Variants in B4GALT1 observed in about 807,000 individuals in gnomAD.
B4GALT1 encodes beta-1,4-galactosyltransferase 1.
A neutral mutation model predicts 34.9 loss-of-function variants in B4GALT1; 16 were observed. The ratio of observed to expected loss-of-function variants is 0.46; its 90% CI spans 0.31 to 0.70. B4GALT1 has a LOEUF of 0.70. B4GALT1 is among the 30% of genes least tolerant of loss of function. The pLI is 0.05. For synonymous variants in B4GALT1, 221 were observed against 218.1 expected, an observed-to-expected ratio of 1.01 and a Z score of -0.12; for missense variants, 445 against 530.5, an observed-to-expected ratio of 0.84 and a Z score of 1.58.
At chr9:33,168,213 G>A (rs111406050), upstream of B4GALT1, among the ~76,000 whole-genome samples, 1,115 of 152,342 alleles carry the variant, frequency 7.3e-3, 15 homozygotes, top group Non-Finnish European at 0.013. Flanking sequence ...GCTGGCAAGA[G>A]GCAGAATTCT....
downstream of B4GALT1, among the ~76,000 whole-genome samples, chr9:33,109,243 G>T (rs1839827990): frequency 6.6e-6 from 1 of 152,218 alleles, no homozygotes; most frequent in South Asian, 2.1e-4. Context: ...GAAGGACAGG[G>T]TCAGATGAGC....
At chr9:33,141,889 C>A (rs1290004790) in intron 1 of B4GALT1, among the ~76,000 whole-genome samples, 1 of 152,196 alleles carries the variant, frequency 6.6e-6, no homozygotes, top group Non-Finnish European at 1.5e-5. Context: ...GGATGGAGAG[C>A]CACCAGAAGG....
chr9:33,148,120 G>A (rs1840455890), intron 1 of B4GALT1, among the ~76,000 whole-genome samples: 1 of 152,016 alleles, frequency 6.6e-6, no homozygotes, highest in Non-Finnish European at 1.5e-5. Context: ...TTAATATCTA[G>A]GATGTATAAG....
intron 1 of B4GALT1, among the ~76,000 whole-genome samples, chr9:33,139,698 G>A (rs1587740056): frequency 6.6e-6 from 1 of 152,238 alleles, no homozygotes; most frequent in South Asian, 2.1e-4. Flanking sequence ...GACTACCTCT[G>A]TTCAGAATCA....
At chr9:33,115,364 C>CT (rs1358725170) in intron 4 of B4GALT1, among the ~76,000 whole-genome samples, 3 of 152,204 alleles carry the variant, frequency 2.0e-5, no homozygotes, top group African/African-American at 7.2e-5. Flanking sequence ...GTTGAAGCCT[C>CT]TACAGCCAGA....
chr9:33,123,044 C>CA (rs796569008), intron 2 of B4GALT1, among the ~76,000 whole-genome samples: 38 of 151,888 alleles, frequency 2.5e-4, no homozygotes, highest in African/African-American at 8.9e-4. Flanking sequence ...TTTGGAAGGC[C>CA]AAGGCGGTGG....
chr9:33,107,918 C>T (rs1454727514), downstream of B4GALT1, among the ~76,000 whole-genome samples: 2 of 152,116 alleles, frequency 1.3e-5, no homozygotes, highest in Non-Finnish European at 2.9e-5. Flanking sequence ...AGCAGTCACT[C>T]GCCCTGAGGT....
chr9:33,166,635 C>A, intron 1 of B4GALT1, 123 bp downstream of exon 1: 2 of 1,185,688 alleles, frequency 1.7e-6, no homozygotes. Context: ...ATTTAAAACT[C>A]TGATCCAGAA....
In B4GALT1 at chr9:33,166,874, T is replaced by G; in HGVS notation, c.296A>C (p.Asp99Ala). ...GASSQPRPGG[D>A]SSPVVDSGPG... is the part of the protein sequence containing the mutation. ...GCCAGAATCCACGACTGGGCTGGAG[T>G]CGCCACCCGGGCGCGGCTGGGAGGA... Residue 99 changes from aspartate to alanine, a missense_variant, in exon 1 of 6, where the codon GAC (aspartate) becomes GCC (alanine). By Grantham distance (126) the Asp-to-Ala change is moderately radical (BLOSUM62 -2). Coordinates refer to ENST00000379731, the MANE Select transcript of B4GALT1 (RefSeq NM_001497.4). 1.3e-6 allele frequency: 2 copies of G among 1,576,790 alleles called. No homozygotes were observed. The highest frequency in any genetic ancestry group is 2.3e-5 in the South Asian group (2 of 87,550).
intron 3 of B4GALT1, among the ~76,000 whole-genome samples, chr9:33,118,314 C>A (rs576191605): frequency 6.6e-6 from 1 of 152,114 alleles, no homozygotes; most frequent in African/African-American, 2.4e-5. Context: ...CTCATGCTCC[C>A]AGCAAGGGAG....
At chr9:33,134,404 T>C (rs1840237197) in intron 2 of B4GALT1, among the ~76,000 whole-genome samples, 1 of 152,240 alleles carries the variant, frequency 6.6e-6, no homozygotes, top group Admixed American at 6.5e-5. Context: ...TAGGAGGTTA[T>C]AGTCTAAAAA....
intron 2 of B4GALT1, among the ~76,000 whole-genome samples, chr9:33,130,320 G>A (rs999530542): frequency 2.0e-5 from 3 of 152,088 alleles, no homozygotes; most frequent in African/African-American, 7.2e-5. Context: ...AGGAAATGCA[G>A]CATGCATCCC....
intron 2 of B4GALT1, among the ~76,000 whole-genome samples, chr9:33,133,765 G>A (rs1439826996): frequency 6.6e-6 from 1 of 152,098 alleles, no homozygotes; most frequent in Non-Finnish European, 1.5e-5. Context: ...CCTTGTAACA[G>A]GGCTTGTTCT....
At chr9:33,180,952 C>T in the B4GALT1 span, among the ~76,000 whole-genome samples, 3 of 152,146 alleles carry the variant, frequency 2.0e-5, no homozygotes. Context: ...CCATATTTTC[C>T]TTTTTAGTCA....
chr9:33,132,979 T>A (rs1840216123), intron 2 of B4GALT1, among the ~76,000 whole-genome samples: 1 of 152,214 alleles, frequency 6.6e-6, no homozygotes, highest in African/African-American at 2.4e-5. Context: ...CTCGGCTCAC[T>A]GCAACCTCTG....
At chr9:33,181,771 T>C in the B4GALT1 span, among the ~76,000 whole-genome samples, 1 of 152,202 alleles carries the variant, frequency 6.6e-6, no homozygotes, top group African/African-American at 2.4e-5. Context: ...AAAAGGCTTT[T>C]CCTTTCCTCT....
the B4GALT1 span, among the ~76,000 whole-genome samples, chr9:33,177,986 CTTT>C: frequency 5.6e-5 from 6 of 107,460 alleles, no homozygotes; most frequent in Admixed American, 1.1e-4. Context: ...AAACAGAAGA[CTTT>C]TTTTTTTTTT....
At chr9:33,171,133 T>TGGG (rs1840836958), upstream of B4GALT1, among the ~76,000 whole-genome samples, 3 of 152,270 alleles carry the variant, frequency 2.0e-5, no homozygotes, top group Non-Finnish European at 4.4e-5. Flanking sequence ...AGTCATCTAT[T>TGGG]GCAGCGTAAC....
At chr9:33,139,838 T>C (rs545315301) in intron 1 of B4GALT1, among the ~76,000 whole-genome samples, 2 of 152,350 alleles carry the variant, frequency 1.3e-5, no homozygotes, top group African/African-American at 4.8e-5. Flanking sequence ...GTGCGGCGCA[T>C]GGCGTGTGCT....
Sources: gnomAD v4.1 joint callset for allele counts (sites outside exome capture counted in the v4.1 genomes callset) on GRCh38, gnomAD v4.1.1 for gene constraint, MANE v1.5 for transcripts, NCBI Gene and HGNC (gene_info 2026-07-23, HGNC 2026-07-21) for gene names.